The following UIMC1 variants were observed in gnomAD, a reference collection of about 807,000 sequenced individuals.
UIMC1 encodes BRCA1-A complex subunit RAP80.
Under a neutral mutation model 84.9 loss-of-function variants are expected in UIMC1, and 42 were observed. The ratio of observed to expected loss-of-function variants is 0.49; its 90% CI spans 0.39 to 0.64. The LOEUF is 0.64. UIMC1 is among the 30% of genes least tolerant of loss of function. UIMC1 has a pLI of 0.00. For synonymous variants in UIMC1, 281 were observed against 293.0 expected (o/e 0.96, Z 0.42); for missense variants, 825 against 847.6 (o/e 0.97, Z 0.33).
chr5:176,953,645 G>A (rs1423246980), intron 8 of UIMC1, among the ~76,000 whole-genome samples: 1 of 152,080 alleles, frequency 6.6e-6, no homozygotes, highest in South Asian at 2.1e-4. Context: ...TCACTGCTTA[G>A]ATTACTGCAA....
rs973585586 is a variant in UIMC1 at position 177,006,752 on chromosome 5, A to C, written c.-111T>G. 1 of 152,200 alleles carries C rather than the reference A, an allele frequency of 6.6e-6. No individual in the cohort carries two copies. The highest frequency in any genetic ancestry group is 2.4e-5 in the African/African-American group (1 of 41,444). 9.4% of individuals were successfully genotyped at this position (152,200 alleles called of 1,614,324 possible). ...GGAGGGGGAGGGGCGCGCGCGTCCG[A>C]TGCCAGAGACACGCTCTCGGGGCGG... On this transcript the variant is annotated 5_prime_UTR_variant, in exon 1 of 15. Transcript: ENST00000511320.
rs200518986 is a variant in UIMC1 at position 176,951,559 on chromosome 5, G to A, written c.1358C>T (p.Ser453Phe). Residue 453 changes from serine (S) to phenylalanine (F), a missense_variant, in exon 9 of 15, where the codon TCT becomes TTT. Physicochemically the swap from Ser to Phe is radical, Grantham distance 155. Coordinates refer to ENST00000511320, the MANE Select transcript of UIMC1 (RefSeq NM_001199298.2). ...TTCTCTTTCAAGGTCAAAAGTTTCA[G>A]AGGAACTTAGCTGGGTCTCTGTAAT... ...TVCPETQLSS[S>F]ETFDLEREVS... 6.3e-7 allele frequency: 1 copy of A among 1,590,538 alleles called. No homozygotes were observed. Among genetic ancestry groups the A allele is most frequent in the Non-Finnish European group, 8.5e-7 (1 of 1,170,386 alleles).
chr5:176,959,199 CTG>C (rs1185085417), intron 6 of UIMC1, among the ~76,000 whole-genome samples: 1 of 152,184 alleles, frequency 6.6e-6, no homozygotes, highest in African/African-American at 2.4e-5. Context: ...AATACTTAAC[CTG>C]TCTCTTCCTT....
chr5:176,953,436 A>G lies in UIMC1; in HGVS notation c.1340-1859T>C, dbSNP rs558547749. On this transcript the variant is annotated intron_variant, in intron 8 of 14. Coordinates refer to ENST00000511320, the MANE Select transcript of UIMC1 (RefSeq NM_001199298.2). The stretch of plus-strand genomic sequence containing the variant: ...CTGAATCATTAAGAAAGGATTAAAT[A>G]CATTTCTAGAATTAATTATATTTTA... Among the ~76,000 whole-genome samples, 9 of 152,148 alleles carry G rather than the reference A, an allele frequency of 5.9e-5. No individual in the cohort carries two copies. In the South Asian group the frequency reaches 1.9e-3, roughly 32 times the overall value.
chr5:176,980,763 TTC>T (rs1312057336), intron 2 of UIMC1, among the ~76,000 whole-genome samples: 2 of 152,202 alleles, frequency 1.3e-5, no homozygotes, highest in African/African-American at 2.4e-5. Flanking sequence ...TTTGTTTTCT[TTC>T]TGTTTTAGAT....
intron 10 of UIMC1, among the ~76,000 whole-genome samples, chr5:176,932,351 A>C (rs919800512): frequency 1.3e-5 from 2 of 152,202 alleles, no homozygotes; most frequent in African/African-American, 4.8e-5. Flanking sequence ...AAATATTCCC[A>C]CAGCAAGGAA....
intron 1 of UIMC1, among the ~76,000 whole-genome samples, chr5:176,986,905 A>G (rs767520944): frequency 4.0e-4 from 61 of 152,332 alleles, no homozygotes; most frequent in Non-Finnish European, 7.1e-4. Flanking sequence ...GTTTAAAAAA[A>G]AACACTAAGA....
At chr5:176,983,645 C>T (rs1309706721) in intron 1 of UIMC1, among the ~76,000 whole-genome samples, 10 of 152,212 alleles carry the variant, frequency 6.6e-5, no homozygotes, top group Admixed American at 1.3e-4. Flanking sequence ...AGCCTCTGCC[C>T]GCCCGCCACC....
intron 9 of UIMC1, among the ~76,000 whole-genome samples, chr5:176,947,068 C>T (rs1765218176): frequency 6.6e-6 from 1 of 152,174 alleles, no homozygotes; most frequent in Non-Finnish European, 1.5e-5. Context: ...CAGCTCTATA[C>T]AATGCAGAGA....
At chr5:177,014,057 C>CTTTTTTTTTTTTT (rs34686520) in intron 1 of UIMC1, among the ~76,000 whole-genome samples, 14 of 122,112 alleles carry the variant, frequency 1.1e-4, no homozygotes, top group Non-Finnish European at 1.8e-4. Context: ...TTTTTCTTTT[C>CTTTTTTTTTTTTT]TTTTTTTTTT....
intron 9 of UIMC1, among the ~76,000 whole-genome samples, chr5:176,948,127 A>G (rs1282103690): frequency 1.3e-5 from 2 of 152,188 alleles, no homozygotes; most frequent in African/African-American, 4.8e-5. Flanking sequence ...GACTCTGAAT[A>G]ACTTCTATTA....
At chr5:176,995,135 A>G (rs1261353377) in intron 1 of UIMC1, among the ~76,000 whole-genome samples, 1 of 152,126 alleles carries the variant, frequency 6.6e-6, no homozygotes, top group Admixed American at 6.6e-5. Context: ...TTCCACTACT[A>G]TTAATTACTC....
At chr5:177,014,392 T>G (rs1775629906) in intron 1 of UIMC1, among the ~76,000 whole-genome samples, 1 of 152,118 alleles carries the variant, frequency 6.6e-6, no homozygotes, top group Non-Finnish European at 1.5e-5. Flanking sequence ...GAAACACTTC[T>G]GAAATCCAAG....
intron 12 of UIMC1, among the ~76,000 whole-genome samples, chr5:176,908,083 A>G (rs760324179): frequency 6.6e-6 from 1 of 152,234 alleles, no homozygotes; most frequent in Non-Finnish European, 1.5e-5. Flanking sequence ...AGAAAACTAC[A>G]TATCGAGTAC....
chr5:176,907,156 G>C lies in UIMC1; in HGVS notation c.1870C>G (p.Arg624Gly). ...GACTGTTCCAAGAAACTAAGGAGTC[G>C]GCCTTCACTGTGGCCTTTTTCCTGT... ...NPKEKGHSEG[R>G]LLSFLEQSEH... The change falls in exon 13 of 15, where the codon CGA becomes GGA. Residue 624 changes from arginine to glycine, a missense_variant. Transcript: ENST00000511320. 1 of 1,613,698 alleles carries C rather than the reference G, an allele frequency of 6.2e-7. No homozygotes were observed. Among genetic ancestry groups the C allele is most frequent in the Non-Finnish European group, 8.5e-7 (1 of 1,179,814 alleles).
intron 1 of UIMC1, among the ~76,000 whole-genome samples, chr5:177,016,554 G>C (rs756953271): frequency 6.6e-6 from 1 of 151,350 alleles, no homozygotes; most frequent in East Asian, 1.9e-4. Flanking sequence ...AGCTGGGTGT[G>C]GTGGCACGCA....
intron 1 of UIMC1, among the ~76,000 whole-genome samples, chr5:176,983,061 T>C (rs1245333312): frequency 6.6e-6 from 1 of 152,208 alleles, no homozygotes; most frequent in East Asian, 1.9e-4. Context: ...ATTGAACTCC[T>C]GACCTCAGGT....
intron 1 of UIMC1, among the ~76,000 whole-genome samples, chr5:176,987,341 G>A (rs1321035807): frequency 6.6e-6 from 1 of 151,764 alleles, no homozygotes; most frequent in Non-Finnish European, 1.5e-5. Context: ...AATCAAAACT[G>A]AAATTTTAAA....
chr5:176,914,158 T>A (rs1418245741), intron 10 of UIMC1, among the ~76,000 whole-genome samples: 2 of 149,570 alleles, frequency 1.3e-5, no homozygotes, highest in African/African-American at 2.5e-5. Context: ...TTGCTGGGTA[T>A]TTTTTTTTTC....
Sources: allele counts gnomAD v4.1 joint callset (sites outside exome capture counted in the v4.1 genomes callset), GRCh38; gene constraint gnomAD v4.1.1; transcripts MANE v1.5; gene names NCBI Gene and HGNC (gene_info 2026-07-23, HGNC 2026-07-21).